AP4S1: variants seen among roughly 807,000 people sequenced by gnomAD.
AP4S1 encodes the protein AP-4 complex subunit sigma-1.
In AP4S1, 23 loss-of-function variants were observed where a neutral mutation model predicts 19.8. The ratio of observed to expected loss-of-function variants is 1.16; its 90% CI spans 0.84 to 1.65. The LOEUF is 1.65. Ranked by LOEUF, AP4S1 falls within the 40% of genes most tolerant of loss-of-function variation. The pLI is 0.00. For synonymous variants in AP4S1, 46 were observed against 54.1 expected (o/e 0.85, Z 0.66); for missense variants, 166 against 172.8 (o/e 0.96, Z 0.22).
intron 1 of AP4S1, among the ~76,000 whole-genome samples, chr14:31,045,837 C>T (rs993230724): frequency 6.6e-6 from 1 of 151,956 alleles, no homozygotes; most frequent in Non-Finnish European, 1.5e-5. Context: ...ATAAAGTGAC[C>T]TAGAGTGAGT....
rs144420600 is a variant in AP4S1 at position 31,066,303 on chromosome 14, T to C, written c.107T>C (p.Ile36Thr). ...NKRTLLETEV[I>T]KSCLSRSNEQ... is the part of the protein sequence containing the mutation. ...CGTACACTTCTGGAAACAGAAGTCA[T>C]AAAGAGCTGTCTCTCTCGATCCAAT... The change falls in exon 2 of 6, where the codon ATA becomes ACA. Residue 36 changes from isoleucine (I) to threonine (T), a missense_variant. Coordinates refer to ENST00000542754, the MANE Select transcript of AP4S1 (RefSeq NM_001128126.3). 1 of 1,614,014 alleles carries C rather than the reference T, an allele frequency of 6.2e-7. No individual in the cohort carries two copies. The highest frequency in any genetic ancestry group is 1.3e-5 in the African/African-American group (1 of 75,056).
chr14:31,030,828 GT>G (rs1291752095), intron 1 of AP4S1, among the ~76,000 whole-genome samples: 1 of 152,080 alleles, frequency 6.6e-6, no homozygotes, highest in Non-Finnish European at 1.5e-5. Flanking sequence ...GTCCTGATCC[GT>G]CTTGAAACTA....
chr14:31,032,238 C>A (rs1884440365), intron 1 of AP4S1, among the ~76,000 whole-genome samples: 1 of 152,122 alleles, frequency 6.6e-6, no homozygotes, highest in Non-Finnish European at 1.5e-5. Context: ...AAAAAATTAG[C>A]CAGGCATGGT....
chr14:31,049,453 A>C (rs181300546), intron 1 of AP4S1, among the ~76,000 whole-genome samples: 1 of 57,470 alleles, frequency 1.7e-5, no homozygotes, highest in Non-Finnish European at 3.3e-5. Flanking sequence ...ATATATATAT[A>C]TATATATATG....
At chr14:31,085,668 G>A in intron 5 of AP4S1, 2 of 643,666 alleles carry the variant, frequency 3.1e-6, no homozygotes, top group Non-Finnish European at 1.9e-6. Context: ...AACTACTAGG[G>A]AGGCTGAGGT....
In AP4S1 at chr14:31,084,935, A is replaced by G. The variant is rs1887854485; in HGVS notation, c.306+4351A>G. On this transcript the variant is annotated intron_variant, in intron 5 of 5. Transcript: ENST00000542754. ...GCACAGTATGGGAGACACACCAACT[A>G]CTCTTCAAATCAGTGCGTACCTGCT... 2.2e-5 allele frequency: 36 copies of G among 1,613,050 alleles called. No individual in the cohort carries two copies. The South Asian group carries it at 3.2e-4, about 14-fold the overall frequency.
At chr14:31,072,375 C>A (rs557084399) in intron 3 of AP4S1, among the ~76,000 whole-genome samples, 2 of 152,054 alleles carry the variant, frequency 1.3e-5, no homozygotes, top group South Asian at 4.2e-4. Context: ...TCACGCATGG[C>A]CTTTTTGTTT....
intron 1 of AP4S1, among the ~76,000 whole-genome samples, chr14:31,059,773 T>C (rs1886318990): frequency 6.6e-6 from 1 of 151,968 alleles, no homozygotes; most frequent in African/African-American, 2.4e-5. Context: ...ACAGCTGTTA[T>C]ATCCCCAGCT....
At chr14:31,090,158 G>C (rs1278018564) in intron 5 of AP4S1, among the ~76,000 whole-genome samples, 1 of 151,860 alleles carries the variant, frequency 6.6e-6, no homozygotes, top group Non-Finnish European at 1.5e-5. Context: ...CCAGCTAATT[G>C]TATTTTTAGC....
At chr14:31,080,619 G>C in intron 5 of AP4S1, 35 bp downstream of exon 5, 1 of 1,613,722 alleles carries the variant, frequency 6.2e-7, no homozygotes, top group Non-Finnish European at 8.5e-7. Flanking sequence ...CACAGTACTT[G>C]GCAAATGCAC....
chr14:31,042,528 C>T (rs1442341857), intron 1 of AP4S1, among the ~76,000 whole-genome samples: 1 of 152,152 alleles, frequency 6.6e-6, no homozygotes, highest in Non-Finnish European at 1.5e-5. Context: ...CTCCATCCCC[C>T]ACTCCACAGA....
intron 1 of AP4S1, among the ~76,000 whole-genome samples, chr14:31,052,652 T>A (rs1261445420): frequency 6.9e-6 from 1 of 144,988 alleles, no homozygotes; most frequent in Non-Finnish European, 1.5e-5. Flanking sequence ...CACTTGAACC[T>A]GGGAAATGGA....
At chr14:31,086,617 T>C (rs538767255) in intron 5 of AP4S1, among the ~76,000 whole-genome samples, 1 of 152,264 alleles carries the variant, frequency 6.6e-6, no homozygotes, top group South Asian at 2.1e-4. Flanking sequence ...GGTTTTGCCA[T>C]GTTGGCCAGG....
At chr14:31,084,708 C>G (rs1594713278) in intron 5 of AP4S1, 1 of 1,609,634 alleles carries the variant, frequency 6.2e-7, no homozygotes, top group East Asian at 2.2e-5. Flanking sequence ...TTTGCCCCAT[C>G]ACATACCTTG....
rs947832481 is a variant in AP4S1, at chr14:31,026,334, G to A, written c.-72+547G>A. 2.5e-5 allele frequency: 19 copies of A among 759,876 alleles called. No individual in the cohort carries two copies. The East Asian group carries it at 6.4e-4, about 26-fold the overall frequency. 47.1% of individuals were successfully genotyped at this position (759,876 alleles called of 1,614,324 possible). The stretch of plus-strand genomic sequence containing the variant: ...GTTGCTGTGTGCCTGCCGTGGGTCA[G>A]AGCAGGGAGCTGCCGGCTGCCGCCA... On this transcript the variant is annotated intron_variant, in intron 1 of 5. Transcript: ENST00000542754.
At chr14:31,050,921 A>G (rs1369034149) in intron 1 of AP4S1, among the ~76,000 whole-genome samples, 2 of 151,552 alleles carry the variant, frequency 1.3e-5, no homozygotes, top group Non-Finnish European at 2.9e-5. Flanking sequence ...TTTGGAGAAT[A>G]CTGGTGAGAA....
intron 5 of AP4S1, among the ~76,000 whole-genome samples, chr14:31,092,364 C>T (rs1217003439): frequency 6.6e-6 from 1 of 152,126 alleles, no homozygotes. Context: ...CAGTCAAGCC[C>T]AAGCTTTGGG....
chr14:31,096,264 C>G lies in AP4S1; in HGVS notation c.*3229C>G, dbSNP rs1223980716. The G allele has an allele frequency of 1.3e-5, 2 of 152,014 alleles. No homozygotes were observed. Among genetic ancestry groups the G allele is most frequent in the Non-Finnish European group, 2.9e-5 (2 of 68,018 alleles). The allele number at this position is 152,014 out of a possible 1,614,324, so 9.4% of individuals were successfully genotyped here. A position where few individuals can be genotyped will look rare whatever the true frequency, so the allele number is the denominator to read the frequency against. ...TGCACTGCATCCCCCCAAAACCTTT[C>G]TATATGCTTTTGCTACCCCGTTAAC... On this transcript the variant is annotated 3_prime_UTR_variant, in exon 6 of 6. Coordinates refer to ENST00000542754, the MANE Select transcript of AP4S1 (RefSeq NM_001128126.3).
chr14:31,030,520 T>A (rs1271380106), intron 1 of AP4S1, among the ~76,000 whole-genome samples: 4 of 152,138 alleles, frequency 2.6e-5, no homozygotes, highest in Non-Finnish European at 5.9e-5. Flanking sequence ...TTTTTGTTTT[T>A]AATTTTTTGT....
Sources: gnomAD v4.1 joint callset for allele counts (sites outside exome capture counted in the v4.1 genomes callset) on GRCh38, gnomAD v4.1.1 for gene constraint, MANE v1.5 for transcripts, NCBI Gene and HGNC (gene_info 2026-07-23, HGNC 2026-07-21) for gene names.